Variants in RCL1 observed in about 807,000 individuals in gnomAD.
RCL1 encodes the protein RNA terminal phosphate cyclase like 1, also known as RNA 3'-terminal phosphate cyclase-like protein.
A neutral mutation model predicts 42.4 loss-of-function variants in RCL1; 24 were observed. That is an observed-to-expected ratio of 0.57 (90% CI 0.41 to 0.80). The LOEUF (loss-of-function observed/expected upper bound fraction) is 0.80, where lower values mean the gene tolerates loss of function less well. Among genes scored for constraint, RCL1 ranks in the 30% least tolerant of loss-of-function variants. RCL1 has a pLI of 0.00. For missense variants in RCL1, 578 were observed against 467.9 expected, an observed-to-expected ratio of 1.24 and a Z score of -2.17; for synonymous variants, 228 against 177.3, an observed-to-expected ratio of 1.29 and a Z score of -2.27.
Position 4,824,287 on chromosome 9 carries a change from C to A in RCL1, c.208+668C>A, listed in dbSNP as rs185696664. Among the ~76,000 whole-genome samples the A allele has an allele frequency of 1.8e-4, 28 of 152,240 alleles. No homozygotes were observed. In the East Asian group the frequency reaches 4.8e-3, roughly 26 times the overall value. Reference sequence around the variant, plus strand: ...CTTCCATTCCCCTCTCCAGGGGTAGCCACTGTCACAGCATTTGCTTACATG... The same window carrying A: ...CTTCCATTCCCCTCTCCAGGGGTAGACACTGTCACAGCATTTGCTTACATG... On this transcript the variant is annotated intron_variant, in intron 2 of 8. Transcript: ENST00000381750.
chr9:4,853,887 G>C (rs80277240), intron 8 of RCL1, among the ~76,000 whole-genome samples: 1 of 151,948 alleles, frequency 6.6e-6, no homozygotes, highest in African/African-American at 2.4e-5. Context: ...CACCAACTGA[G>C]TGGGGCTTCC....
rs765424900 is a variant in RCL1, at chr9:4,841,298, C to T, written c.651C>T (p.Asn217=). 6.2e-7 allele frequency: 1 copy of T among 1,612,786 alleles called. No individual in the cohort carries two copies. Among genetic ancestry groups the T allele is most frequent in the South Asian group, 1.1e-5 (1 of 91,058 alleles). The part of the protein sequence containing the change: ...RIVDSARSIL[N]KFIPDIYIYT... ...TGGATTCTGCAAGGAGCATCCTCAA[C>T]AAGTTCATACCTGATATCTATATTT... Residue 217 remains asparagine (N), a synonymous_variant, in exon 6 of 9, where the codon AAC becomes AAT. Coordinates refer to ENST00000381750, the MANE Select transcript of RCL1 (RefSeq NM_005772.5).
chr9:4,796,173 G>T (rs1013250440), intron 1 of RCL1, among the ~76,000 whole-genome samples: 2 of 152,052 alleles, frequency 1.3e-5, no homozygotes. Flanking sequence ...TGGGCTTCTG[G>T]TGTACCCATT....
chr9:4,797,653 T>C (rs566055124), intron 1 of RCL1, among the ~76,000 whole-genome samples: 32 of 152,244 alleles, frequency 2.1e-4, no homozygotes, highest in Non-Finnish European at 4.1e-4. Flanking sequence ...AGTGCTGATG[T>C]AGAAAAACCC....
rs1563851507 is a variant in RCL1 at position 4,841,370 on chromosome 9, G to C, written c.710+13G>C. ...TCAACTCTGGGAAGTAAGTATCTGT[G>C]TTTTTGAAGTCTGTTTCTGCAGCTT... On this transcript the variant is annotated intron_variant, in intron 6 of 8. Transcript: ENST00000381750. The C allele has an allele frequency of 1.2e-6, 2 of 1,603,356 alleles. No individual in the cohort carries two copies. The highest frequency in any genetic ancestry group is 1.7e-6 in the Non-Finnish European group (2 of 1,170,768).
intron 8 of RCL1, 26 bp downstream of exon 8, chr9:4,849,576 T>G: frequency 6.5e-7 from 1 of 1,544,048 alleles, no homozygotes; most frequent in Non-Finnish European, 9.0e-7. Flanking sequence ...TCAACCTCGT[T>G]ATTCTGTCCA....
At chr9:4,831,572 G>C (rs1349855684) in intron 3 of RCL1, among the ~76,000 whole-genome samples, 1 of 152,172 alleles carries the variant, frequency 6.6e-6, no homozygotes, top group Non-Finnish European at 1.5e-5. Flanking sequence ...GAAGTCCTGG[G>C]CTCAAGTGAT....
In RCL1 at chr9:4,798,910, C is replaced by T. The variant is rs1227616716; in HGVS notation, c.136+5683C>T. Reference sequence around the variant, plus strand: ...TTTTTTTTTTTTTAAAGGCAAATGCCAAGAATCCTAATGACCAGTTTTCAG... The same window carrying T: ...TTTTTTTTTTTTTAAAGGCAAATGCTAAGAATCCTAATGACCAGTTTTCAG... On this transcript the variant is annotated intron_variant, in intron 1 of 8. Coordinates refer to ENST00000381750, the MANE Select transcript of RCL1 (RefSeq NM_005772.5). 3.4e-5 allele frequency among the ~76,000 whole-genome samples: 5 copies of T among 146,182 alleles called. No individual in the cohort carries two copies. The East Asian group carries it at 8.0e-4, about 23-fold the overall frequency.
At chr9:4,832,104 C>G (rs1203939121) in intron 3 of RCL1, among the ~76,000 whole-genome samples, 3 of 152,196 alleles carry the variant, frequency 2.0e-5, no homozygotes, top group African/African-American at 7.2e-5. Context: ...CGTTAGATAA[C>G]AGTACCTGAT....
intron 6 of RCL1, among the ~76,000 whole-genome samples, chr9:4,843,559 C>T (rs530688036): frequency 3.9e-4 from 59 of 152,236 alleles, no homozygotes; most frequent in Middle Eastern, 3.4e-3. Flanking sequence ...GAGTAATTTA[C>T]ATAGAACCTA....
chr9:4,817,469 A>ACC (rs1563836453), intron 1 of RCL1, among the ~76,000 whole-genome samples: 6 of 131,158 alleles, frequency 4.6e-5, no homozygotes, highest in African/African-American at 2.7e-5. Flanking sequence ...TTTTTTTTTA[A>ACC]TCTTTTTTTT....
chr9:4,845,320 T>C (rs918483170), intron 7 of RCL1, among the ~76,000 whole-genome samples: 1 of 152,244 alleles, frequency 6.6e-6, no homozygotes. Flanking sequence ...TAAACTGATG[T>C]TGAAGACAGA....
intron 6 of RCL1, among the ~76,000 whole-genome samples, chr9:4,842,612 A>G (rs2129672480): frequency 6.6e-6 from 1 of 152,314 alleles, no homozygotes; most frequent in East Asian, 1.9e-4. Context: ...GATGATGCCT[A>G]TGTTTTGGGG....
chr9:4,827,205 C>G (rs765641851), intron 3 of RCL1, 172 bp downstream of exon 3: 3 of 1,533,076 alleles, frequency 2.0e-6, no homozygotes, highest in African/African-American at 2.8e-5. Context: ...TGAACCAAAA[C>G]TTAGGATCAT....
Position 4,860,170 on chromosome 9 carries a change from T to G in RCL1, c.1017T>G (p.Phe339Leu). The change falls in exon 9 of 9, where the codon TTT becomes TTG. Residue 339 changes from phenylalanine to leucine, a missense_variant. Coordinates refer to ENST00000381750, the MANE Select transcript of RCL1 (RefSeq NM_005772.5). ...TGAAGAGCTTTTTCCAGATTATGTT[T>G]AAAATTGAAACCAAGCCATGTGGTG... ...RHLKSFFQIM[F>L]KIETKPCGEE... 6.2e-7 allele frequency: 1 copy of G among 1,610,144 alleles called. No individual in the cohort carries two copies. The highest frequency in any genetic ancestry group is 1.1e-5 in the South Asian group (1 of 89,846).
intron 8 of RCL1, among the ~76,000 whole-genome samples, chr9:4,852,535 C>T (rs764333479): frequency 4.1e-4 from 62 of 152,204 alleles, no homozygotes; most frequent in Middle Eastern, 3.2e-3. Flanking sequence ...GGCTCTACCA[C>T]GCGCTACCAG....
In RCL1 at chr9:4,849,585, C is replaced by T. The variant is rs145232264; in HGVS notation, c.971+35C>T. The stretch of plus-strand genomic sequence containing the variant: ...TCTTTTTCAACCTCGTTATTCTGTC[C>T]AGTGTAATTTTCTCATTGCCCAAAA... On this transcript the variant is annotated intron_variant, in intron 8 of 8. Transcript: ENST00000381750. 4.5e-4 allele frequency: 675 copies of T among 1,516,464 alleles called. 5 individuals are homozygous for T. In the African/African-American group the frequency reaches 7.8e-3, roughly 18 times the overall value. The allele number at this position is 1,516,464 out of a possible 1,614,324, so 93.9% of individuals were successfully genotyped here.
chr9:4,853,546 C>T (rs1158064555), intron 8 of RCL1, among the ~76,000 whole-genome samples: 1 of 152,068 alleles, frequency 6.6e-6, no homozygotes, highest in Non-Finnish European at 1.5e-5. Flanking sequence ...TGATCTCGAT[C>T]TCCTGACCTG....
chr9:4,842,059 C>T (rs975286181), intron 6 of RCL1, among the ~76,000 whole-genome samples: 8 of 152,180 alleles, frequency 5.3e-5, no homozygotes, highest in African/African-American at 1.9e-4. Context: ...GAGATATACT[C>T]CTGCTGCCTA....
Sources: allele counts gnomAD v4.1 joint callset (sites outside exome capture counted in the v4.1 genomes callset), GRCh38; gene constraint gnomAD v4.1.1; transcripts MANE v1.5; gene names NCBI Gene and HGNC (gene_info 2026-07-23, HGNC 2026-07-21).